Variants in SHANK2 observed in about 807,000 individuals in gnomAD.
SHANK2 encodes the protein SH3 and multiple ankyrin repeat domains 2.
SHANK2 carries 43 observed loss-of-function variants against 133.7 expected under a neutral mutation model. The observed-to-expected ratio is 0.32, with a 90% CI of 0.25 to 0.41. The LOEUF (loss-of-function observed/expected upper bound fraction) is 0.41, where lower values mean the gene tolerates loss of function less well. Among genes scored for constraint, SHANK2 ranks in the 10% least tolerant of loss-of-function variants. The pLI, the probability that SHANK2 is intolerant of heterozygous loss-of-function variation, is 1.00. For missense variants in SHANK2, 1,994 were observed against 2,235.8 expected (o/e 0.89, Z 2.18); for synonymous variants, 1,017 against 952.8 (o/e 1.07, Z -1.24).
At chr11:71,183,484 T>C (rs2135553336) in intron 2 of SHANK2, among the ~76,000 whole-genome samples, 1 of 152,290 alleles carries the variant, frequency 6.6e-6, no homozygotes, top group South Asian at 2.1e-4. Flanking sequence ...TGCTTTTCAA[T>C]GCAAAGCTCT....
chr11:71,248,280 A>G (rs1428858300), intron 1 of SHANK2, among the ~76,000 whole-genome samples: 1 of 152,254 alleles, frequency 6.6e-6, no homozygotes, highest in African/African-American at 2.4e-5. Flanking sequence ...GCCTTCAACA[A>G]TGGAAAACGT....
At chr11:70,708,566 G>T (rs908017605) in intron 14 of SHANK2, among the ~76,000 whole-genome samples, 2 of 152,204 alleles carry the variant, frequency 1.3e-5, no homozygotes, top group South Asian at 2.1e-4. Context: ...ACAGGCAGGG[G>T]TCAGATGTCT....
At chr11:70,525,934 T>A (rs2059390159) in intron 17 of SHANK2, among the ~76,000 whole-genome samples, 1 of 151,510 alleles carries the variant, frequency 6.6e-6, no homozygotes, top group Non-Finnish European at 1.5e-5. Flanking sequence ...GGGGGGCAAC[T>A]GCCCATCATT....
At chr11:70,824,960 C>T (rs1225464536) in intron 11 of SHANK2, among the ~76,000 whole-genome samples, 2 of 152,112 alleles carry the variant, frequency 1.3e-5, no homozygotes, top group Admixed American at 6.5e-5. Context: ...AGAAAGCAGC[C>T]GCAGAGCCCC....
intron 14 of SHANK2, among the ~76,000 whole-genome samples, chr11:70,755,647 G>A (rs570501571): frequency 1.3e-5 from 2 of 152,286 alleles, no homozygotes; most frequent in African/African-American, 4.8e-5. Flanking sequence ...TTTCTCGTGC[G>A]GAAGGGACTC....
chr11:70,485,469 G>C lies in SHANK2; in HGVS notation c.4824C>G (p.Val1608=). 1 of 1,613,968 alleles carries C rather than the reference G, an allele frequency of 6.2e-7. No homozygotes were observed. The highest frequency in any genetic ancestry group is 1.1e-5 in the South Asian group (1 of 91,082). ...AGAGAATCGGGCTTTTGATCTCTGT[G>C]ACGTCGCCCCACAACTTGGAGGTCC... ...QPRTSKLWGD[V]TEIKSPILSG... Residue 1608 remains valine (V), a synonymous_variant, in exon 25 of 26, where the codon GTC becomes GTG. Transcript: ENST00000601538. The surrounding 1 kb of genome is among the most constrained non-coding windows in gnomAD (Gnocchi z 5.8).
intron 14 of SHANK2, among the ~76,000 whole-genome samples, chr11:70,719,510 G>A (rs78706542): frequency 0.01 from 1,581 of 152,244 alleles, 30 homozygotes; most frequent in African/African-American, 0.036. Flanking sequence ...AATCCTGCCC[G>A]CATGCAGCAT....
Position 71,105,195 on chromosome 11 carries a change from C to T in SHANK2, c.592+4746G>A, listed in dbSNP as rs148481078. ...TGTGAAAGGGCCTGGAGGCACCTTC[C>T]GCACGTGCTGCCATGTGAAAGAAGC... On this transcript the variant is annotated intron_variant, in intron 6 of 25. Transcript: ENST00000601538. 4.6e-5 allele frequency among the ~76,000 whole-genome samples: 7 copies of T among 152,248 alleles called. No homozygotes were observed. The East Asian group carries it at 5.8e-4, about 13-fold the overall frequency.
intron 17 of SHANK2, among the ~76,000 whole-genome samples, chr11:70,557,595 G>A (rs1014569815): frequency 2.0e-4 from 30 of 152,278 alleles, no homozygotes; most frequent in Non-Finnish European, 3.2e-4. Context: ...TGGCAGCACC[G>A]CGGGGCCAGG....
At chr11:70,501,839 C>T (rs1204486774) in intron 20 of SHANK2, 84 bp downstream of exon 20, 46 of 1,424,984 alleles carry the variant, frequency 3.2e-5, no homozygotes, top group Non-Finnish European at 4.3e-5. Context: ...CACAGGCCTC[C>T]GAGGCCTGGG....
intron 8 of SHANK2, among the ~76,000 whole-genome samples, chr11:71,077,738 T>C (rs920663076): frequency 0.018 from 2,805 of 152,064 alleles, 88 homozygotes; most frequent in African/African-American, 0.064. Context: ...AGCCAGGTGG[T>C]GGGCAGAAGG....
chr11:70,802,263 G>A (rs182928634), intron 13 of SHANK2, among the ~76,000 whole-genome samples: 107 of 152,280 alleles, frequency 7.0e-4, no homozygotes, highest in Admixed American at 1.9e-3. Flanking sequence ...TGCTTCCTGA[G>A]GCCACAGTGG....
intron 6 of SHANK2, among the ~76,000 whole-genome samples, chr11:71,102,836 C>A (rs1206938058): frequency 6.6e-6 from 1 of 152,240 alleles, no homozygotes; most frequent in Non-Finnish European, 1.5e-5. Flanking sequence ...CAGTGACTGG[C>A]CCAGACTGGG....
intron 2 of SHANK2, among the ~76,000 whole-genome samples, chr11:71,152,613 G>T (rs782559964): frequency 6.6e-6 from 1 of 152,182 alleles, no homozygotes; most frequent in Non-Finnish European, 1.5e-5. Context: ...CGGCTCTGGG[G>T]GTGATGGTCA....
intron 17 of SHANK2, among the ~76,000 whole-genome samples, chr11:70,595,252 G>A (rs1052930930): frequency 2.6e-5 from 4 of 152,288 alleles, no homozygotes; most frequent in Admixed American, 1.3e-4. Context: ...GGTGCAGCCC[G>A]GCCGTCCACC....
chr11:70,692,047 T>C lies in SHANK2; in HGVS notation c.1853+6641A>G, dbSNP rs528092735. Reference sequence around the variant, plus strand: ...GCGAGGCCCAGCCTTCAGTTGAGAGTAAGGAACAAATGGGGTGTGCTTCCT... The same window carrying C: ...GCGAGGCCCAGCCTTCAGTTGAGAGCAAGGAACAAATGGGGTGTGCTTCCT... On this transcript the variant is annotated intron_variant, in intron 15 of 25. Coordinates refer to ENST00000601538, the MANE Select transcript of SHANK2 (RefSeq NM_012309.5). Among the ~76,000 whole-genome samples the C allele has an allele frequency of 4.6e-5, 7 of 152,160 alleles. No homozygotes were observed. In the South Asian group the frequency reaches 1.5e-3, roughly 32 times the overall value.
At chr11:70,922,805 G>C (rs1443908118) in intron 10 of SHANK2, among the ~76,000 whole-genome samples, 2 of 152,230 alleles carry the variant, frequency 1.3e-5, no homozygotes, top group African/African-American at 4.8e-5. Flanking sequence ...AGATGTAGGA[G>C]TGGTGAGTTT....
intron 17 of SHANK2, among the ~76,000 whole-genome samples, chr11:70,528,331 G>A (rs1205589596): frequency 1.3e-5 from 2 of 152,218 alleles, no homozygotes; most frequent in African/African-American, 4.8e-5. Context: ...CAGGGATGCA[G>A]CCTCCTGGGC....
chr11:70,586,843 C>G (rs782040832), intron 17 of SHANK2, among the ~76,000 whole-genome samples: 14 of 152,180 alleles, frequency 9.2e-5, no homozygotes, highest in Admixed American at 7.2e-4. Flanking sequence ...GTGGGCAGAG[C>G]CTAGAGACGC....
Sources: gnomAD v4.1 joint callset for allele counts (sites outside exome capture counted in the v4.1 genomes callset) on GRCh38, gnomAD v4.1.1 for gene constraint, Gnocchi (gnomAD v3.1) non-coding constraint, MANE v1.5 for transcripts, NCBI Gene and HGNC (gene_info 2026-07-23, HGNC 2026-07-21) for gene names.